The following TENM4 variants were observed in gnomAD, a reference collection of about 807,000 sequenced individuals.
TENM4 encodes the protein teneurin-4.
In TENM4, 82 loss-of-function variants were observed where a neutral mutation model predicts 243.3. The ratio of observed to expected loss-of-function variants is 0.34; its 90% CI spans 0.28 to 0.40. The LOEUF is 0.40. Among genes scored for constraint, TENM4 ranks in the 10% least tolerant of loss-of-function variants. The pLI, the probability that TENM4 is intolerant of heterozygous loss-of-function variation, is 1.00. For synonymous variants in TENM4, 1,412 were observed against 1,456.3 expected, an observed-to-expected ratio of 0.97 and a Z score of 0.69; for missense variants, 3,138 against 3,673.3, an observed-to-expected ratio of 0.85 and a Z score of 3.77.
At chr11:79,436,112 G>A (rs1859267009) in intron 1 of TENM4, among the ~76,000 whole-genome samples, 1 of 152,138 alleles carries the variant, frequency 6.6e-6, no homozygotes. Flanking sequence ...GGGATAAGGA[G>A]GTAGAAAGGA....
intron 6 of TENM4, among the ~76,000 whole-genome samples, chr11:79,059,569 C>T (rs1860035039): frequency 6.6e-6 from 1 of 152,216 alleles, no homozygotes; most frequent in Admixed American, 6.5e-5. Context: ...AGATGGCATG[C>T]TGTTTTTGTA....
rs1350899216 is a variant in TENM4, at chr11:78,670,423, G to A, written c.5922C>T (p.Tyr1974=). Residue 1974 remains tyrosine, a synonymous_variant, in exon 32 of 34, where the codon TAC becomes TAT. Coordinates refer to ENST00000278550, the MANE Select transcript of TENM4 (RefSeq NM_001098816.3). ...QTLETIRSVG[Y]YRNIYQPPEG... ...CAGGGGGCTGATAGATGTTTCTGTA[G>A]TAGCCCACTGAGCGGATGGTCTCTA... 2 of 1,613,902 alleles carry A rather than the reference G, an allele frequency of 1.2e-6. No individual in the cohort carries two copies. The highest frequency in any genetic ancestry group is 1.1e-5 in the South Asian group (1 of 91,080).
intron 3 of TENM4, among the ~76,000 whole-genome samples, chr11:79,205,168 A>G (rs1164210680): frequency 6.6e-6 from 1 of 152,068 alleles, no homozygotes; most frequent in Non-Finnish European, 1.5e-5. Context: ...ATTTGTATTG[A>G]GATAATTAAG....
chr11:78,946,494 T>C (rs1490319079), intron 6 of TENM4, among the ~76,000 whole-genome samples: 1 of 152,224 alleles, frequency 6.6e-6, no homozygotes, highest in East Asian at 1.9e-4. Context: ...TGAATGTTGT[T>C]TTCATGCCTG....
chr11:78,989,889 A>G (rs1857999494), intron 6 of TENM4, among the ~76,000 whole-genome samples: 1 of 151,872 alleles, frequency 6.6e-6, no homozygotes, highest in Admixed American at 6.6e-5. Context: ...CCCCATCTCT[A>G]CTAAAAGAAA....
intron 2 of TENM4, among the ~76,000 whole-genome samples, chr11:79,276,579 C>T (rs1260952714): frequency 6.6e-6 from 1 of 152,156 alleles, no homozygotes; most frequent in Non-Finnish European, 1.5e-5. Context: ...GATGCCTGGG[C>T]CTTTATCCAA....
At chr11:78,821,141 T>C (rs1314054625) in intron 12 of TENM4, among the ~76,000 whole-genome samples, 1 of 152,218 alleles carries the variant, frequency 6.6e-6, no homozygotes, top group African/African-American at 2.4e-5. Context: ...TATCCAGAAG[T>C]CCACCAACCA....
chr11:79,289,519 G>C (rs537721899), intron 2 of TENM4, among the ~76,000 whole-genome samples: 3 of 152,376 alleles, frequency 2.0e-5, no homozygotes, highest in Admixed American at 1.3e-4. Flanking sequence ...TTGGCTCAAT[G>C]TGAGACATCT....
At chr11:79,304,623 G>C (rs992277972) in intron 1 of TENM4, among the ~76,000 whole-genome samples, 30 of 152,166 alleles carry the variant, frequency 2.0e-4, no homozygotes, top group Admixed American at 1.6e-3. Flanking sequence ...AGTCATGGTG[G>C]TGTGAAGCAA....
chr11:79,261,592 T>C (rs1855798691), intron 2 of TENM4, among the ~76,000 whole-genome samples: 1 of 152,174 alleles, frequency 6.6e-6, no homozygotes, highest in African/African-American at 2.4e-5. Flanking sequence ...GGGACAGCTC[T>C]TCCCACCTTC....
intron 12 of TENM4, among the ~76,000 whole-genome samples, chr11:78,838,429 C>A (rs1218039625): frequency 1.3e-5 from 2 of 152,106 alleles, no homozygotes; most frequent in African/African-American, 4.8e-5. Flanking sequence ...ATTTCTCAAT[C>A]TTTTTCTTTG....
At chr11:79,214,614 T>C (rs1864014817) in intron 3 of TENM4, among the ~76,000 whole-genome samples, 2 of 152,358 alleles carry the variant, frequency 1.3e-5, no homozygotes, top group Middle Eastern at 3.4e-3. Flanking sequence ...TCATATCTAC[T>C]GTGGCAGGGG....
At chr11:78,765,020 C>G (rs1361696873) in intron 18 of TENM4, among the ~76,000 whole-genome samples, 1 of 152,194 alleles carries the variant, frequency 6.6e-6, no homozygotes, top group Non-Finnish European at 1.5e-5. Context: ...CTTAACCTCA[C>G]AGCCCCATGG....
chr11:79,360,230 A>G (rs570157505), intron 1 of TENM4, among the ~76,000 whole-genome samples: 2 of 152,190 alleles, frequency 1.3e-5, no homozygotes, highest in Non-Finnish European at 2.9e-5. Flanking sequence ...CCAGTTTCTC[A>G]TACTGGGCTG....
At chr11:78,742,852 T>C (rs915812118) in intron 19 of TENM4, among the ~76,000 whole-genome samples, 2 of 152,172 alleles carry the variant, frequency 1.3e-5, no homozygotes, top group African/African-American at 4.8e-5. Context: ...CCTCAACTGT[T>C]GCTCAGGGAA....
chr11:79,096,717 A>G (rs1182080988), intron 4 of TENM4: 1 of 152,600 alleles, frequency 6.6e-6, no homozygotes, highest in Non-Finnish European at 1.5e-5. Context: ...CCCGTGGCCC[A>G]GGATAGGCAA....
intron 4 of TENM4, among the ~76,000 whole-genome samples, chr11:79,070,779 G>A (rs1447779873): frequency 6.6e-6 from 1 of 152,168 alleles, no homozygotes; most frequent in African/African-American, 2.4e-5. Context: ...GGTCACTTAG[G>A]TGTCAAGTAA....
At chr11:79,307,309 C>G (rs1435216565) in intron 1 of TENM4, among the ~76,000 whole-genome samples, 2 of 152,286 alleles carry the variant, frequency 1.3e-5, no homozygotes, top group African/African-American at 4.8e-5. Flanking sequence ...CTCACCGTTT[C>G]TCTCCAAAGG....
chr11:78,666,087 A>G (rs369116683), intron 32 of TENM4, among the ~76,000 whole-genome samples: 9 of 152,342 alleles, frequency 5.9e-5, no homozygotes, highest in South Asian at 2.1e-4. Flanking sequence ...ATGGGAATGA[A>G]GATGCATGTA....
Sources: gnomAD v4.1 joint callset for allele counts (sites outside exome capture counted in the v4.1 genomes callset) on GRCh38, gnomAD v4.1.1 for gene constraint, MANE v1.5 for transcripts, NCBI Gene and HGNC (gene_info 2026-07-23, HGNC 2026-07-21) for gene names.